The following PCNT variants were observed in gnomAD, a reference collection of about 807,000 sequenced individuals.
PCNT encodes the protein kendrin.
In PCNT, 319 loss-of-function variants were observed where a neutral mutation model predicts 380.4. That is an observed-to-expected ratio of 0.84 (90% CI 0.77 to 0.92). The LOEUF is 0.92. Among genes scored for constraint, PCNT ranks in the 40% least tolerant of loss-of-function variants. The probability of loss-of-function intolerance (pLI) is 0.00; values close to 1 mark genes in which losing one functional copy is unlikely to be tolerated. For synonymous variants in PCNT, 1,845 were observed against 1,735.2 expected (o/e 1.06, Z -1.57); for missense variants, 4,400 against 4,255.3 (o/e 1.03, Z -0.95).
intron 27 of PCNT, 113 bp from the exon 28 acceptor site, chr21:46,411,076 C>A: frequency 8.8e-7 from 1 of 1,135,142 alleles, no homozygotes; most frequent in Non-Finnish European, 1.3e-6. Context: ...CTTTGTTTTT[C>A]ACGCTATGGA....
At chr21:46,378,696 T>C (rs1214644560) in intron 15 of PCNT, among the ~76,000 whole-genome samples, 1 of 152,218 alleles carries the variant, frequency 6.6e-6, no homozygotes, top group African/African-American at 2.4e-5. Context: ...CAAAGGGGAC[T>C]GATATATATT....
chr21:46,442,742 G>A (rs1179259187), intron 44 of PCNT, 169 bp downstream of exon 44: 9 of 666,130 alleles, frequency 1.4e-5, no homozygotes, highest in Admixed American at 8.6e-5. Flanking sequence ...CGCGCCCGGC[G>A]TAGGGAGGTC....
At chr21:46,445,178 A>G (rs2053721787) in intron 46 of PCNT, 106 bp from the exon 47 acceptor site, 1 of 841,550 alleles carries the variant, frequency 1.2e-6, no homozygotes, top group African/African-American at 1.7e-5. Flanking sequence ...ATTTTTACCA[A>G]AATTTACATG....
chr21:46,431,731 A>C lies in PCNT; in HGVS notation c.8267A>C (p.Glu2756Ala). Residue 2756 changes from glutamate to alanine, a missense_variant, in exon 38 of 47, where the codon GAG (glutamate) becomes GCG (alanine). Transcript: ENST00000359568. Reference protein sequence around the residue: ...DLAAEKSRTLELSEALRHERL... With the variant: ...DLAAEKSRTLALSEALRHERL... ...GCGGCTGAGAAGAGCCGCACCCTGGAGCTGTCAGAGGCCTTGCGGCACGAG... is the reference window on the plus strand; with the variant it reads ...GCGGCTGAGAAGAGCCGCACCCTGGCGCTGTCAGAGGCCTTGCGGCACGAG... 6.2e-7 allele frequency: 1 copy of C among 1,612,386 alleles called. No homozygotes were observed. Among genetic ancestry groups the C allele is most frequent in the Non-Finnish European group, 8.5e-7 (1 of 1,179,808 alleles).
At chr21:46,437,251 G>A (rs1001426549) in intron 40 of PCNT, among the ~76,000 whole-genome samples, 170 bp downstream of exon 40, 2 of 152,164 alleles carry the variant, frequency 1.3e-5, no homozygotes, top group African/African-American at 2.4e-5. Flanking sequence ...CCTGTGGGCC[G>A]AGTGGGGACG....
At chr21:46,342,634 G>A (rs372634510) in intron 3 of PCNT, among the ~76,000 whole-genome samples, 25 of 151,296 alleles carry the variant, frequency 1.7e-4, no homozygotes, top group South Asian at 8.4e-4. Flanking sequence ...TCCGCCTCCC[G>A]GGTTCAAGTG....
At position 46,416,737 on chromosome 21, in the gene PCNT, G is replaced by T. The variant is rs200610141; in HGVS notation, c.6819G>T (p.Gly2273=). 6.3e-7 allele frequency: 1 copy of T among 1,596,350 alleles called. No individual in the cohort carries two copies. The highest frequency in any genetic ancestry group is 1.7e-5 in the Admixed American group (1 of 59,130). ...ACACCTCGCTGCCACAGACCCAGGG[G>T]CCGGGGCTGCTTTGTTCCCCAGGCG... The part of the protein sequence containing the change: ...RADTSLPQTQ[G]PGLLCSPGVS... The change falls in exon 30 of 47, where the codon GGG becomes GGT. Residue 2273 remains glycine, a synonymous_variant. Transcript: ENST00000359568.
intron 15 of PCNT, among the ~76,000 whole-genome samples, chr21:46,380,519 C>T (rs577124316): frequency 4.0e-5 from 6 of 151,438 alleles, no homozygotes; most frequent in East Asian, 2.0e-4. Flanking sequence ...GCAAGGTGCC[C>T]GGCAGGTGGG....
In PCNT at chr21:46,367,065, C is replaced by T. The variant is rs766301934; in HGVS notation, c.3091C>T (p.Arg1031Trp). The T allele has an allele frequency of 1.2e-5, 20 of 1,613,784 alleles. No individual in the cohort carries two copies. Among genetic ancestry groups the T allele is most frequent in the East Asian group, 4.5e-5 (2 of 44,884 alleles). The change falls in exon 15 of 47, where the codon CGG (arginine) becomes TGG (tryptophan). Residue 1031 changes from arginine (R) to tryptophan (W), a missense_variant. Transcript: ENST00000359568. Reference sequence around the variant, plus strand: ...ACACGAAGGGGAGCTACAGTCTGTGCGGGACCACCTGCGAACCGAAGTGAG... The same window carrying T: ...ACACGAAGGGGAGCTACAGTCTGTGTGGGACCACCTGCGAACCGAAGTGAG... ...RKHEGELQSV[R>W]DHLRTEVSTE... is the part of the protein sequence containing the mutation.
chr21:46,370,585 C>CA (rs1238379058), intron 15 of PCNT, among the ~76,000 whole-genome samples: 2 of 152,042 alleles, frequency 1.3e-5, no homozygotes, highest in East Asian at 3.9e-4. Flanking sequence ...CTTGTGTAGA[C>CA]ACAGAAGCAC....
intron 29 of PCNT, among the ~76,000 whole-genome samples, chr21:46,414,596 CCCTGCTCCT>C (rs1436018857): frequency 6.0e-4 from 88 of 146,288 alleles, no homozygotes; most frequent in African/African-American, 2.0e-3. Context: ...CAGCCGCCCA[CCCTGCTCCT>C]CCTCCTCCTC....
chr21:46,380,538 G>A lies in PCNT; in HGVS notation c.3166-1156G>A, dbSNP rs544475562. 3.1e-3 allele frequency among the ~76,000 whole-genome samples: 468 copies of A among 151,800 alleles called. 1 individual carries two copies. Among genetic ancestry groups the A allele is most frequent in the African/African-American group, 0.01 (423 of 41,352 alleles). On this transcript the variant is annotated intron_variant, in intron 15 of 46. Transcript: ENST00000359568. Reference sequence around the variant, plus strand: ...GGTGCCCGGCAGGTGGGCTCGGGCAGTTGTGCATGGAAATTTTGGGGTGCT... The same window carrying A: ...GGTGCCCGGCAGGTGGGCTCGGGCAATTGTGCATGGAAATTTTGGGGTGCT...
intron 3 of PCNT, among the ~76,000 whole-genome samples, chr21:46,344,373 C>G (rs553057342): frequency 6.6e-6 from 1 of 152,314 alleles, no homozygotes; most frequent in Non-Finnish European, 1.5e-5. Context: ...CGCGCCCGGC[C>G]CGAGCTCCTG....
In PCNT at chr21:46,402,404, T is replaced by C; in HGVS notation, c.5036T>C (p.Leu1679Pro). 1 of 1,613,360 alleles carries C rather than the reference T, an allele frequency of 6.2e-7. No homozygotes were observed. The highest frequency in any genetic ancestry group is 8.5e-7 in the Non-Finnish European group (1 of 1,179,322). The change falls in exon 27 of 47, where the codon CTG becomes CCG. Residue 1679 changes from leucine to proline, a missense_variant. Transcript: ENST00000359568. ...LESKNEEILH[L>P]NLKLDMQNSQ... ...AGTAAAAATGAAGAAATACTACATCTGAACTTAAAATTGGACATGCAGAAC... is the reference window on the plus strand; with the variant it reads ...AGTAAAAATGAAGAAATACTACATCCGAACTTAAAATTGGACATGCAGAAC...
chr21:46,427,255 C>T (rs535067614), intron 33 of PCNT, among the ~76,000 whole-genome samples: 1 of 152,366 alleles, frequency 6.6e-6, no homozygotes, highest in South Asian at 2.1e-4. Flanking sequence ...TGTGTGTCTT[C>T]TCTTCTGTCA....
At chr21:46,399,254 CT>C (rs2086322591) in intron 24 of PCNT, among the ~76,000 whole-genome samples, 1 of 152,038 alleles carries the variant, frequency 6.6e-6, no homozygotes, top group Non-Finnish European at 1.5e-5. Context: ...CTAGGTCTCC[CT>C]GTGCAGCCTG....
rs778334017 is a variant in PCNT at position 46,430,581 on chromosome 21, G to A, written c.7988G>A (p.Arg2663His). ...CTGGAGAGTGAGCAGGGGAAGGGGCGTGCCCTGCAGAGCCAGCTGGAGGAG... is the reference window on the plus strand; with the variant it reads ...CTGGAGAGTGAGCAGGGGAAGGGGCATGCCCTGCAGAGCCAGCTGGAGGAG... ...QELESEQGKG[R>H]ALQSQLEEEQ... The change falls in exon 37 of 47, where the codon CGT (arginine) becomes CAT (histidine). Residue 2663 changes from arginine to histidine, a missense_variant. Arg to His is a conservative substitution (Grantham distance 29). Transcript: ENST00000359568. 71 of 1,562,756 alleles carry A rather than the reference G, an allele frequency of 4.5e-5. No individual in the cohort carries two copies. Among genetic ancestry groups the A allele is most frequent in the Middle Eastern group, 2.2e-4 (1 of 4,554 alleles).
chr21:46,386,062 G>C, intron 17 of PCNT, 79 bp downstream of exon 17: 1 of 1,569,480 alleles, frequency 6.4e-7, no homozygotes, highest in Non-Finnish European at 8.7e-7. Context: ...TGGTCCCCAC[G>C]GCTCCTGGCC....
At chr21:46,398,181 T>G in intron 23 of PCNT, 51 bp downstream of exon 23, 2 of 1,607,320 alleles carry the variant, frequency 1.2e-6, no homozygotes, top group Non-Finnish European at 1.7e-6. Context: ...TCACTGTGTT[T>G]TTAAGCTTTA....
Sources: gnomAD v4.1 joint callset for allele counts (sites outside exome capture counted in the v4.1 genomes callset) on GRCh38, gnomAD v4.1.1 for gene constraint, MANE v1.5 for transcripts, NCBI Gene and HGNC (gene_info 2026-07-23, HGNC 2026-07-21) for gene names.